EXOC6: variants seen among roughly 807,000 people sequenced by gnomAD.
EXOC6 encodes the protein SEC15-like 1.
Under a neutral mutation model 112.5 loss-of-function variants are expected in EXOC6, and 60 were observed. That is an observed-to-expected ratio of 0.53 (90% CI 0.43 to 0.66). EXOC6 has a LOEUF of 0.66. EXOC6 is among the 30% of genes least tolerant of loss of function. EXOC6 has a pLI of 0.00. For missense variants in EXOC6, 855 were observed against 957.1 expected (o/e 0.89, Z 1.41); for synonymous variants, 295 against 308.0 (o/e 0.96, Z 0.44).
intron 18 of EXOC6, among the ~76,000 whole-genome samples, chr10:92,977,515 A>C (rs61862338): frequency 0.011 from 1,719 of 152,248 alleles, 19 homozygotes; most frequent in Non-Finnish European, 0.017. Context: ...AAGGAAATCT[A>C]TAAATATATT....
intron 4 of EXOC6, among the ~76,000 whole-genome samples, chr10:92,899,379 A>ATG (rs895563864): frequency 1.6e-4 from 25 of 152,102 alleles, no homozygotes; most frequent in Non-Finnish European, 2.4e-4. Flanking sequence ...ATATGTATAT[A>ATG]TGTGTGTGTG....
At chr10:93,055,310 C>G (rs2134388791) in intron 20 of EXOC6, among the ~76,000 whole-genome samples, 1 of 152,248 alleles carries the variant, frequency 6.6e-6, no homozygotes, top group South Asian at 2.1e-4. Context: ...ACAGATAGAC[C>G]TCACTACTTA....
In EXOC6 at chr10:92,940,703, CTTT is replaced by C. The variant is rs201561143; in HGVS notation, c.1213-12_1213-10del. ...ATATTTTTGTACACTTGTTTATCTG[CTTT>C]TTTTTTTTTTTGTATTTTAGGGTTA... On this transcript the variant is annotated intron_variant, in intron 12 of 21. Transcript: ENST00000260762. 2.8e-4 allele frequency: 350 copies of C among 1,228,186 alleles called. No homozygotes were observed. The highest frequency in any genetic ancestry group is 4.4e-4 in the Admixed American group (18 of 40,544). 76.1% of individuals were successfully genotyped at this position (1,228,186 alleles called of 1,614,324 possible).
intron 1 of EXOC6, among the ~76,000 whole-genome samples, chr10:92,840,145 T>G (rs996039296): frequency 2.6e-5 from 4 of 151,036 alleles, no homozygotes; most frequent in Non-Finnish European, 5.9e-5. Context: ...AACCCTAAAC[T>G]GTATATACTA....
chr10:92,831,243 G>A (rs183482041), upstream of EXOC6: 40 of 938,702 alleles, frequency 4.3e-5, no homozygotes, highest in South Asian at 6.8e-5. Flanking sequence ...GAGCTGAGGA[G>A]CAGAGGGAAG....
At chr10:93,007,398 C>T (rs2134212022) in intron 19 of EXOC6, among the ~76,000 whole-genome samples, 1 of 152,216 alleles carries the variant, frequency 6.6e-6, no homozygotes, top group East Asian at 1.9e-4. Flanking sequence ...CATCTGTAAT[C>T]CCAGCACTTT....
At chr10:92,921,517 G>C (rs1851443539) in intron 8 of EXOC6, among the ~76,000 whole-genome samples, 1 of 151,968 alleles carries the variant, frequency 6.6e-6, no homozygotes, top group African/African-American at 2.4e-5. Flanking sequence ...CAAAGTGCTG[G>C]GGTTACAGGT....
chr10:93,030,613 T>G (rs1022907495), intron 20 of EXOC6, among the ~76,000 whole-genome samples: 2 of 152,182 alleles, frequency 1.3e-5, no homozygotes, highest in South Asian at 2.1e-4. Context: ...GTTGTTGGAT[T>G]CCTTAGTGAC....
chr10:92,829,734 A>T (rs929610400), upstream of EXOC6, among the ~76,000 whole-genome samples: 1 of 152,184 alleles, frequency 6.6e-6, no homozygotes, highest in Non-Finnish European at 1.5e-5. Flanking sequence ...ACAGGATGAG[A>T]TAGGAAATTG....
intron 17 of EXOC6, among the ~76,000 whole-genome samples, chr10:92,969,577 C>T (rs1451063772): frequency 6.6e-6 from 1 of 152,198 alleles, no homozygotes; most frequent in East Asian, 1.9e-4. Context: ...CCATGAAACC[C>T]TATTTCTAAC....
intron 5 of EXOC6, among the ~76,000 whole-genome samples, chr10:92,907,641 T>C (rs919800547): frequency 2.6e-5 from 4 of 152,218 alleles, no homozygotes; most frequent in African/African-American, 9.6e-5. Flanking sequence ...ATACCTGTTG[T>C]AGAGAGAATA....
chr10:92,919,906 A>G (rs185657687), intron 7 of EXOC6, 76 bp from the exon 8 acceptor site: 68 of 847,282 alleles, frequency 8.0e-5, no homozygotes, highest in Admixed American at 3.6e-4. Flanking sequence ...CTTCTTGCCT[A>G]TCTTTAACTT....
chr10:93,003,601 G>A (rs1054175447), intron 19 of EXOC6, among the ~76,000 whole-genome samples: 3 of 152,098 alleles, frequency 2.0e-5, no homozygotes, highest in African/African-American at 7.2e-5. Flanking sequence ...TTGTGCAAAT[G>A]TTTAACGAGA....
chr10:92,964,580 G>C (rs1156293203), intron 17 of EXOC6, among the ~76,000 whole-genome samples: 2 of 152,018 alleles, frequency 1.3e-5, no homozygotes, highest in Non-Finnish European at 2.9e-5. Context: ...CTTTAAATGA[G>C]CAAAATTAAA....
intron 1 of EXOC6, among the ~76,000 whole-genome samples, chr10:92,865,920 T>C (rs1361340399): frequency 6.6e-6 from 1 of 152,104 alleles, no homozygotes; most frequent in Non-Finnish European, 1.5e-5. Flanking sequence ...TAATATCCAC[T>C]AAGTGGAAGT....
At chr10:92,985,449 T>C (rs1292225549) in intron 18 of EXOC6, among the ~76,000 whole-genome samples, 1 of 152,174 alleles carries the variant, frequency 6.6e-6, no homozygotes, top group Admixed American at 6.5e-5. Flanking sequence ...CACATACACC[T>C]TCATTTTTTT....
chr10:93,013,506 G>A (rs1424295871), intron 19 of EXOC6, among the ~76,000 whole-genome samples: 1 of 152,162 alleles, frequency 6.6e-6, no homozygotes, highest in East Asian at 1.9e-4. Flanking sequence ...TACTCGGGAG[G>A]CTGAGATAGG....
chr10:92,827,634 T>C (rs955900795), intron 1 of EXOC6, among the ~76,000 whole-genome samples: 2 of 152,084 alleles, frequency 1.3e-5, no homozygotes, highest in African/African-American at 2.4e-5. Flanking sequence ...AGGTGAGTGA[T>C]ATCTTGTGGC....
chr10:93,050,252 C>A lies in EXOC6; in HGVS notation c.2170-6672C>A, dbSNP rs116206040. ...AGGGATAGTGAGATAATCACTAGAA[C>A]TAAAAGAGGAGTTAAAGGCCAGACG... On this transcript the variant is annotated intron_variant, in intron 20 of 21. Coordinates refer to ENST00000260762, the MANE Select transcript of EXOC6 (RefSeq NM_019053.6). 6.3e-3 allele frequency among the ~76,000 whole-genome samples: 956 copies of A among 152,134 alleles called. 17 individuals carry two copies. The highest frequency in any genetic ancestry group is 0.022 in the African/African-American group (905 of 41,498).
Sources: allele counts gnomAD v4.1 joint callset (sites outside exome capture counted in the v4.1 genomes callset), GRCh38; gene constraint gnomAD v4.1.1; transcripts MANE v1.5; gene names NCBI Gene and HGNC (gene_info 2026-07-23, HGNC 2026-07-21).